GRIK3: variants seen among roughly 807,000 people sequenced by gnomAD.
GRIK3 encodes the protein glutamate receptor ionotropic, kainate 3.
A neutral mutation model predicts 102.5 loss-of-function variants in GRIK3; 29 were observed. The observed-to-expected ratio is 0.28, with a 90% CI of 0.21 to 0.39. GRIK3 has a LOEUF of 0.39. GRIK3 is among the 10% of genes least tolerant of loss of function. The pLI is 1.00. For synonymous variants in GRIK3, 511 were observed against 504.9 expected, an observed-to-expected ratio of 1.01 and a Z score of -0.16; for missense variants, 908 against 1,252.4, an observed-to-expected ratio of 0.73 and a Z score of 4.15.
intron 1 of GRIK3, among the ~76,000 whole-genome samples, chr1:36,900,879 C>T (rs1641226573): frequency 6.6e-6 from 1 of 152,010 alleles, no homozygotes; most frequent in Non-Finnish European, 1.5e-5. Flanking sequence ...GACATCTCTA[C>T]AGATCTCGTG....
At chr1:36,896,838 A>C (rs1641177893) in intron 1 of GRIK3, among the ~76,000 whole-genome samples, 1 of 152,176 alleles carries the variant, frequency 6.6e-6, no homozygotes, top group African/African-American at 2.4e-5. Flanking sequence ...CTGGAATGCA[A>C]GGATGGTTCA....
Position 36,806,088 on chromosome 1 carries a change from G to T in GRIK3, c.2314+16C>A, listed in dbSNP as rs749298204. On this transcript the variant is annotated intron_variant, in intron 14 of 15. Coordinates refer to ENST00000373091, the MANE Select transcript of GRIK3 (RefSeq NM_000831.4). The surrounding 1 kb of genome is among the most constrained non-coding windows in gnomAD (Gnocchi z 4.0). ...GCCCACACACCCACCCCTCCCACAG[G>T]CAGCCCCTCGCTCACCCATGGGCGT... The T allele has an allele frequency of 3.4e-5, 54 of 1,592,906 alleles. No homozygotes were observed. The African/African-American group carries it at 5.6e-4, about 17-fold the overall frequency.
At chr1:36,861,866 A>G (rs953325476) in intron 5 of GRIK3, among the ~76,000 whole-genome samples, 3 of 151,560 alleles carry the variant, frequency 2.0e-5, no homozygotes, top group Admixed American at 6.6e-5. Context: ...CAGAGGAGGG[A>G]GGGGCTTCAG....
At chr1:36,902,989 C>A (rs1371899113) in intron 1 of GRIK3, among the ~76,000 whole-genome samples, 1 of 152,102 alleles carries the variant, frequency 6.6e-6, no homozygotes, top group Admixed American at 6.5e-5. Flanking sequence ...AGGGTTTCCC[C>A]ATCTTGGCCA....
chr1:36,901,506 A>G (rs967675068), intron 1 of GRIK3, among the ~76,000 whole-genome samples: 2 of 152,204 alleles, frequency 1.3e-5, no homozygotes, highest in Admixed American at 1.3e-4. Context: ...AATGATAAAA[A>G]CTCTCAGTAA....
chr1:36,888,963 G>A (rs1290678607), intron 2 of GRIK3, among the ~76,000 whole-genome samples: 1 of 152,050 alleles, frequency 6.6e-6, no homozygotes, highest in Non-Finnish European at 1.5e-5. Flanking sequence ...TCGTTAAGTG[G>A]GTTTGACACA....
chr1:36,972,391 C>T (rs916201361), intron 1 of GRIK3, among the ~76,000 whole-genome samples: 1 of 152,132 alleles, frequency 6.6e-6, no homozygotes, highest in Non-Finnish European at 1.5e-5. Flanking sequence ...AACAGGCTCA[C>T]GGCACCCCAG....
chr1:36,993,684 G>C (rs1406783306), intron 1 of GRIK3, among the ~76,000 whole-genome samples: 2 of 152,168 alleles, frequency 1.3e-5, no homozygotes, highest in African/African-American at 4.8e-5. Context: ...ATGTGCTCCT[G>C]GGTTAGTCCC....
intron 3 of GRIK3, among the ~76,000 whole-genome samples, chr1:36,879,643 G>A (rs1450414330): frequency 5.3e-5 from 8 of 152,190 alleles, no homozygotes; most frequent in African/African-American, 1.9e-4. Context: ...GTATCACATT[G>A]GAGCAAGGGT....
intron 11 of GRIK3, among the ~76,000 whole-genome samples, chr1:36,820,769 A>G (rs1452250326): frequency 1.3e-5 from 2 of 152,220 alleles, no homozygotes; most frequent in African/African-American, 4.8e-5. Context: ...TGCGTTATAT[A>G]ATTTTTTAGA....
chr1:36,924,905 C>A (rs1028722472), intron 1 of GRIK3, among the ~76,000 whole-genome samples: 1 of 152,162 alleles, frequency 6.6e-6, no homozygotes, highest in East Asian at 1.9e-4. Flanking sequence ...CAGACACACA[C>A]AGACATGCAC....
At chr1:36,981,523 C>G (rs1642247549) in intron 1 of GRIK3, among the ~76,000 whole-genome samples, 1 of 152,178 alleles carries the variant, frequency 6.6e-6, no homozygotes, top group Admixed American at 6.5e-5. Context: ...ATCCTTGTTC[C>G]CATTTCACAG....
intron 1 of GRIK3, among the ~76,000 whole-genome samples, chr1:36,899,193 T>C (rs1325462937): frequency 1.3e-5 from 2 of 151,918 alleles, no homozygotes. Context: ...TAATAAAAAA[T>C]TACCAAAAAA....
intron 13 of GRIK3, among the ~76,000 whole-genome samples, chr1:36,812,147 C>A (rs759909067): frequency 6.6e-6 from 1 of 152,070 alleles, no homozygotes; most frequent in Non-Finnish European, 1.5e-5. Context: ...TTCCTAGGCC[C>A]TCCAGCTCAA....
At chr1:36,882,332 G>A (rs997707961) in intron 2 of GRIK3, among the ~76,000 whole-genome samples, 2 of 152,130 alleles carry the variant, frequency 1.3e-5, no homozygotes, top group African/African-American at 2.4e-5. Flanking sequence ...GCTTTCCACC[G>A]GCCTGGGATG....
chr1:36,868,406 T>C (rs1570770036), intron 5 of GRIK3, among the ~76,000 whole-genome samples: 1 of 152,240 alleles, frequency 6.6e-6, no homozygotes, highest in Middle Eastern at 3.4e-3. Flanking sequence ...TCCTGGCAGG[T>C]CCCCAGGTCT....
rs944881829 is a variant in GRIK3, at chr1:37,034,195, G to A, written c.-87C>T. The A allele has an allele frequency of 1.0e-4, 35 of 350,308 alleles. No homozygotes were observed. The highest frequency in any genetic ancestry group is 1.6e-4 in the Non-Finnish European group (33 of 209,692). 21.7% of individuals were successfully genotyped at this position (350,308 alleles called of 1,614,324 possible). A position where few individuals can be genotyped will look rare whatever the true frequency, so the allele number is the denominator to read the frequency against. ...CTAGGCGCGGGCGCGCAGCAGCCCC[G>A]AAGGCGCCGCCTGGCCCAGCCGCCC... On this transcript the variant is annotated 5_prime_UTR_variant, in exon 1 of 16. Coordinates refer to ENST00000373091, the MANE Select transcript of GRIK3 (RefSeq NM_000831.4).
intron 1 of GRIK3, among the ~76,000 whole-genome samples, chr1:36,927,922 G>A (rs1453211215): frequency 1.3e-5 from 2 of 152,250 alleles, no homozygotes; most frequent in Non-Finnish European, 2.9e-5. Context: ...AAAAAAGATT[G>A]TCTAGAATTC....
intron 1 of GRIK3, among the ~76,000 whole-genome samples, chr1:36,943,468 T>C (rs938297805): frequency 6.6e-6 from 1 of 152,174 alleles, no homozygotes; most frequent in Non-Finnish European, 1.5e-5. Context: ...CAATGGAAAT[T>C]ACAATACCGA....
Sources: gnomAD v4.1 joint callset for allele counts (sites outside exome capture counted in the v4.1 genomes callset) on GRCh38, gnomAD v4.1.1 for gene constraint, Gnocchi (gnomAD v3.1) non-coding constraint, MANE v1.5 for transcripts, NCBI Gene and HGNC (gene_info 2026-07-23, HGNC 2026-07-21) for gene names.